The following EP400 variants were observed in gnomAD, a reference collection of about 807,000 sequenced individuals.
EP400 encodes E1A binding protein p400, also known as E1A-binding protein p400.
In EP400, 105 loss-of-function variants were observed where a neutral mutation model predicts 354.1. The ratio of observed to expected loss-of-function variants is 0.30; its 90% CI spans 0.25 to 0.35. The LOEUF (loss-of-function observed/expected upper bound fraction) is 0.35, where lower values mean the gene tolerates loss of function less well. EP400 is among the 10% of genes least tolerant of loss of function. The pLI, the probability that EP400 is intolerant of heterozygous loss-of-function variation, is 1.00. For missense variants in EP400, 3,280 were observed against 4,121.0 expected, an observed-to-expected ratio of 0.80 and a Z score of 5.59; for synonymous variants, 1,646 against 1,716.9, an observed-to-expected ratio of 0.96 and a Z score of 1.02.
At position 132,079,420 on chromosome 12, in the gene EP400, A is replaced by C. The variant is rs1162297089; in HGVS notation, c.*1747A>C. The C allele has an allele frequency of 1.3e-5, 2 of 152,304 alleles. No individual in the cohort carries two copies. The highest frequency in any genetic ancestry group is 3.8e-4 in the East Asian group (2 of 5,206). The allele number at this position is 152,304 out of a possible 1,614,324, so 9.4% of individuals were successfully genotyped here. ...GGGAGGGCCGCTGTGTGCGCCTCAC[A>C]TCTGGCTCCCAGTGGAAACTTTTAC... On this transcript the variant is annotated 3_prime_UTR_variant, in exon 53 of 53. Transcript: ENST00000389561.
Position 131,961,657 on chromosome 12 carries a change from G to C in EP400, c.1038G>C (p.Lys346Asn). The C allele has an allele frequency of 1.2e-6, 2 of 1,608,714 alleles. No individual in the cohort carries two copies. The highest frequency in any genetic ancestry group is 8.5e-7 in the Non-Finnish European group (1 of 1,177,096). Residue 346 changes from lysine to asparagine, a missense_variant, in exon 2 of 53, where the codon AAG (lysine) becomes AAC (asparagine). By Grantham distance (94) the Lys-to-Asn change is moderately conservative. Coordinates refer to ENST00000389561, the MANE Select transcript of EP400 (RefSeq NM_015409.5). Reference sequence around the variant, plus strand: ...CTGTGGGGAACACGGGAATGAAGAAGGTTCCCAAGAAGTTAGAGGAGATTC... The same window carrying C: ...CTGTGGGGAACACGGGAATGAAGAACGTTCCCAAGAAGTTAGAGGAGATTC... The part of the protein sequence containing the change: ...LTSVGNTGMK[K>N]VPKKLEEIPP...
intron 7 of EP400, among the ~76,000 whole-genome samples, 157 bp from the exon 8 acceptor site, chr12:131,989,807 A>G (rs185519930): frequency 6.6e-6 from 1 of 152,350 alleles, no homozygotes; most frequent in Admixed American, 6.5e-5. Context: ...GCTTATAGTC[A>G]TGTTTCTCCT....
chr12:131,971,693 A>AT (rs372977332), intron 2 of EP400, among the ~76,000 whole-genome samples: 89 of 145,042 alleles, frequency 6.1e-4, no homozygotes, highest in Admixed American at 9.0e-4. Context: ...TATGGGTAAA[A>AT]TTTTTTTTTT....
Position 132,080,103 on chromosome 12 carries a change from A to T in EP400, c.*2430A>T, listed in dbSNP as rs1896337030. 6.6e-6 allele frequency: 1 copy of T among 152,228 alleles called. No homozygotes were observed. The highest frequency in any genetic ancestry group is 2.4e-5 in the African/African-American group (1 of 41,458). The allele number at this position is 152,228 out of a possible 1,614,324, so 9.4% of individuals were successfully genotyped here. On this transcript the variant is annotated 3_prime_UTR_variant, in exon 53 of 53. Transcript: ENST00000389561. The stretch of plus-strand genomic sequence containing the variant: ...GCAGCCCGAACACTGTCAGACTCTA[A>T]TTGGCGACCCTGGGAAACAGTTGCC...
chr12:132,061,159 A>G (rs1369710847), intron 45 of EP400, among the ~76,000 whole-genome samples: 1 of 152,176 alleles, frequency 6.6e-6, no homozygotes, highest in Non-Finnish European at 1.5e-5. Context: ...TGAAATGTGC[A>G]CAGATCTCGT....
At chr12:132,005,209 T>C (rs1264950038) in intron 13 of EP400, 25 bp downstream of exon 13, 1 of 1,523,474 alleles carries the variant, frequency 6.6e-7, no homozygotes, top group East Asian at 2.5e-5. Context: ...TTTGGAAGAA[T>C]TCAGGGTTAA....
chr12:131,979,635 G>C, intron 2 of EP400, 59 bp from the exon 3 acceptor site: 1 of 1,471,134 alleles, frequency 6.8e-7, no homozygotes, highest in Non-Finnish European at 9.2e-7. Context: ...GATAATTTGA[G>C]TTTATTCTTG....
chr12:132,044,839 A>C lies in EP400; in HGVS notation c.6670A>C (p.Ile2224Leu). The C allele has an allele frequency of 6.2e-7, 1 of 1,614,166 alleles. No homozygotes were observed. Among genetic ancestry groups the C allele is most frequent in the East Asian group, 2.2e-5 (1 of 44,876 alleles). Residue 2224 changes from isoleucine (I) to leucine (L), a missense_variant, in exon 37 of 53, where the codon ATC becomes CTC. Physicochemically the swap from Ile to Leu is conservative, Grantham distance 5 (BLOSUM62 2). Around this residue, in one of 20 missense-constraint regions of EP400, gnomAD observed 231 missense variants for 257.9 expected, o/e 0.90. Coordinates refer to ENST00000389561, the MANE Select transcript of EP400 (RefSeq NM_015409.5). ...PPTPPQDDSDIYLDSVMCLMY... is the reference protein window; with the variant it reads ...PPTPPQDDSDLYLDSVMCLMY... Reference sequence around the variant, plus strand: ...CACCCCGCCGCAGGACGACAGCGACATCTACCTCGACTCGGTCATGTGTCT... The same window carrying C: ...CACCCCGCCGCAGGACGACAGCGACCTCTACCTCGACTCGGTCATGTGTCT...
intron 39 of EP400, among the ~76,000 whole-genome samples, chr12:132,048,910 A>G (rs1303321572): frequency 5.3e-5 from 8 of 152,236 alleles, no homozygotes; most frequent in Admixed American, 5.2e-4. Context: ...AGAAACATAG[A>G]GTAAGATTCA....
At chr12:132,069,754 G>A in intron 51 of EP400, 113 bp downstream of exon 51, 2 of 1,467,796 alleles carry the variant, frequency 1.4e-6, no homozygotes, top group South Asian at 2.6e-5. Context: ...ACTGGGTGGT[G>A]CACTGGAGGG....
Position 132,013,422 on chromosome 12 carries a change from G to T in EP400, c.3612-68G>T. On this transcript the variant is annotated intron_variant, in intron 17 of 52. Transcript: ENST00000389561. The surrounding 1 kb of genome is among the most constrained non-coding windows in gnomAD (Gnocchi z 4.5). The stretch of plus-strand genomic sequence containing the variant: ...CTGTCCCTTTTCTCACACATTGTCA[G>T]AGAAGATGCTGCTGCAGCCAGCCCC... 1 of 1,503,516 alleles carries T rather than the reference G, an allele frequency of 6.7e-7. No homozygotes were observed. 93.1% of individuals were successfully genotyped at this position (1,503,516 alleles called of 1,614,324 possible).
In EP400 at chr12:132,025,942, A is replaced by G. The variant is rs1894290973; in HGVS notation, c.5014+138A>G. Reference sequence around the variant, plus strand: ...TAGTGTGTGGCCATCTCTGATTTCTATAGATGTGTCCTAGTGTCAGCCTGA... The same window carrying G: ...TAGTGTGTGGCCATCTCTGATTTCTGTAGATGTGTCCTAGTGTCAGCCTGA... On this transcript the variant is annotated intron_variant, in intron 25 of 52. Coordinates refer to ENST00000389561, the MANE Select transcript of EP400 (RefSeq NM_015409.5). This position sits in a 1 kb window ranked among gnomAD's most constrained non-coding sequence, Gnocchi z 4.1. 18 of 1,075,340 alleles carry G rather than the reference A, an allele frequency of 1.7e-5. No individual in the cohort carries two copies. Among genetic ancestry groups the G allele is most frequent in the Middle Eastern group, 2.2e-4 (1 of 4,612 alleles). The allele number at this position is 1,075,340 out of a possible 1,614,324, so 66.6% of individuals were successfully genotyped here.
rs1285144272 is a variant in EP400, at chr12:132,018,928, G to C, written c.4277+552G>C. Among the ~76,000 whole-genome samples, 6 of 152,190 alleles carry C rather than the reference G, an allele frequency of 3.9e-5. No homozygotes were observed. Among genetic ancestry groups the C allele is most frequent in the Non-Finnish European group, 5.9e-5 (4 of 68,034 alleles). On this transcript the variant is annotated intron_variant, in intron 21 of 52. Coordinates refer to ENST00000389561, the MANE Select transcript of EP400 (RefSeq NM_015409.5). This position sits in a 1 kb window ranked among gnomAD's most constrained non-coding sequence, Gnocchi z 4.0. ...AAAAGAAAGGAAAGGAAAGGAAATA[G>C]GTATTTGGAGATGAAGGGGCCAGCT...
rs757251406 is a variant in EP400, at chr12:132,077,476, G to A, written c.9175G>A (p.Ala3059Thr). 12 of 1,613,398 alleles carry A rather than the reference G, an allele frequency of 7.4e-6. No homozygotes were observed. Among genetic ancestry groups the A allele is most frequent in the South Asian group, 2.2e-5 (2 of 91,088 alleles). ...GGTGCAGATGATCCCTGCAGTGACC[G>A]CGACTGCCCAGGTGGTTCAGCAGAA... ...QQVQMIPAVTATAQVVQQKLI... is the reference protein window; with the variant it reads ...QQVQMIPAVTTTAQVVQQKLI... The change falls in exon 53 of 53, where the codon GCG becomes ACG. Residue 3059 changes from alanine (A) to threonine (T), a missense_variant. Physicochemically the swap from Ala to Thr is moderately conservative, Grantham distance 58. This residue lies in a region of EP400 where 279 missense variants were observed against 386.7 expected (regional missense o/e 0.72). Transcript: ENST00000389561.
rs754393053 is a variant in EP400, at chr12:132,038,101, G to T, written c.6207+5G>T. ...ATTGCAAGACCTTTCATAGAGGTAA[G>T]AATACATTGAATCTGGCTGAAGAGT... On this transcript the variant is annotated splice_donor_5th_base_variant and intron_variant, in intron 32 of 52. Transcript: ENST00000389561. The surrounding 1 kb of genome is among the most constrained non-coding windows in gnomAD (Gnocchi z 4.2). The T allele has an allele frequency of 6.8e-6, 11 of 1,609,150 alleles. No homozygotes were observed. In the East Asian group the frequency reaches 1.8e-4, roughly 26 times the overall value.
At chr12:131,972,146 CTTTTTCTTTTTCT>C (rs1892305456) in intron 2 of EP400, among the ~76,000 whole-genome samples, 1 of 145,262 alleles carries the variant, frequency 6.9e-6, no homozygotes. Flanking sequence ...CTTTCTTTTT[CTTTTTCTTTTTCT>C]TTTTTTTTTT....
At chr12:132,044,061 C>T in intron 34 of EP400, 116 bp from the exon 35 acceptor site, 1 of 1,395,034 alleles carries the variant, frequency 7.2e-7, no homozygotes, top group African/African-American at 1.4e-5. Flanking sequence ...CATTGTGGAG[C>T]AGTGTGTGTA....
rs11835896 is a variant in EP400 at position 132,038,945 on chromosome 12, C to T, written c.6207+849C>T. On this transcript the variant is annotated intron_variant, in intron 32 of 52. Coordinates refer to ENST00000389561, the MANE Select transcript of EP400 (RefSeq NM_015409.5). The surrounding 1 kb of genome is among the most constrained non-coding windows in gnomAD (Gnocchi z 4.2). ...TTGGTATCCCTGTACATCTTTCTTC[C>T]TGCCCTGTTTGACTGCAGCGCATGA... Among the ~76,000 whole-genome samples the T allele has an allele frequency of 0.12, 18,908 of 152,234 alleles. 1,598 individuals carry two copies. Among genetic ancestry groups the T allele is most frequent in the African/African-American group, 0.24 (9,945 of 41,524 alleles).
At chr12:132,064,102 C>G (rs908139507) in intron 47 of EP400, among the ~76,000 whole-genome samples, 1 of 151,354 alleles carries the variant, frequency 6.6e-6, no homozygotes, top group Admixed American at 6.6e-5. Context: ...CGGCCTACAG[C>G]CACACAGGTG....
Sources: gnomAD v4.1 joint callset for allele counts (sites outside exome capture counted in the v4.1 genomes callset) on GRCh38, gnomAD v4.1.1 for gene constraint, gnomAD v4.1.1 regional missense constraint, Gnocchi (gnomAD v3.1) non-coding constraint, MANE v1.5 for transcripts, NCBI Gene and HGNC (gene_info 2026-07-23, HGNC 2026-07-21) for gene names.